The following HDAC9 variants were observed in gnomAD, a reference collection of about 807,000 sequenced individuals.
HDAC9 encodes the protein histone deacetylase 9, also known as MEF-2 interacting transcription repressor (MITR) protein.
A neutral mutation model predicts 139.4 loss-of-function variants in HDAC9; 41 were observed. That is an observed-to-expected ratio of 0.29 (90% CI 0.23 to 0.38). HDAC9 has a LOEUF of 0.38. Among genes scored for constraint, HDAC9 ranks in the 10% least tolerant of loss-of-function variants. The pLI is 1.00. For synonymous variants in HDAC9, 517 were observed against 476.2 expected, an observed-to-expected ratio of 1.09 and a Z score of -1.12; for missense variants, 1,147 against 1,297.0, an observed-to-expected ratio of 0.88 and a Z score of 1.78.
chr7:18,446,398 T>C (rs1019512370), intron 1 of HDAC9, among the ~76,000 whole-genome samples: 2 of 152,200 alleles, frequency 1.3e-5, no homozygotes, highest in African/African-American at 4.8e-5. Context: ...GAAGAAAGTG[T>C]TGAGCATAGA....
chr7:18,253,540 A>G (rs563373806), intron 2 of HDAC9, among the ~76,000 whole-genome samples: 3 of 152,224 alleles, frequency 2.0e-5, no homozygotes, highest in East Asian at 1.9e-4. Flanking sequence ...TGTTGGCCAC[A>G]TGTGTGTCTT....
intron 25 of HDAC9, among the ~76,000 whole-genome samples, chr7:18,977,852 T>G (rs1370474106): frequency 6.6e-6 from 1 of 151,704 alleles, no homozygotes; most frequent in Non-Finnish European, 1.5e-5. Flanking sequence ...AAAAGAAGAA[T>G]TCTTCTAGAA....
chr7:18,953,738 G>A (rs1585398095), intron 23 of HDAC9, among the ~76,000 whole-genome samples: 1 of 152,116 alleles, frequency 6.6e-6, no homozygotes, highest in East Asian at 1.9e-4. Context: ...CACTGTGAAA[G>A]TATGGATAAT....
chr7:18,779,497 T>A (rs936104736), intron 16 of HDAC9, among the ~76,000 whole-genome samples: 1 of 152,014 alleles, frequency 6.6e-6, no homozygotes, highest in Non-Finnish European at 1.5e-5. Context: ...CTAGAAGTTT[T>A]GAAGTGTTGA....
intron 1 of HDAC9, among the ~76,000 whole-genome samples, chr7:18,415,261 A>G (rs1788945425): frequency 6.6e-6 from 1 of 152,176 alleles, no homozygotes; most frequent in African/African-American, 2.4e-5. Context: ...TTTCTGTGTA[A>G]ACTAGAACCC....
At chr7:18,598,735 TC>T (rs1833140813) in intron 6 of HDAC9, among the ~76,000 whole-genome samples, 1 of 152,242 alleles carries the variant, frequency 6.6e-6, no homozygotes, top group Non-Finnish European at 1.5e-5. Flanking sequence ...TGTCTTACAT[TC>T]TTCTACCTTT....
intron 2 of HDAC9, among the ~76,000 whole-genome samples, chr7:18,567,296 A>G (rs558760465): frequency 6.6e-6 from 1 of 152,316 alleles, no homozygotes; most frequent in Admixed American, 6.5e-5. Flanking sequence ...TAACTGGGCA[A>G]GGCGAGGAAA....
Position 18,872,809 on chromosome 7 carries a change from A to G in HDAC9, c.2685-1669A>G, listed in dbSNP as rs1799031113. ...GAATTGTGCCTTGAAGGATGGGGAAATACTGGGGGGAAAATGAGGGAAGGA... is the reference window on the plus strand; with the variant it reads ...GAATTGTGCCTTGAAGGATGGGGAAGTACTGGGGGGAAAATGAGGGAAGGA... On this transcript the variant is annotated intron_variant, in intron 21 of 25. Coordinates refer to ENST00000686413, the MANE Select transcript of HDAC9 (RefSeq NM_178425.4). Among the ~76,000 whole-genome samples the G allele has an allele frequency of 2.0e-5, 3 of 152,196 alleles. No individual in the cohort carries two copies. In the South Asian group the frequency reaches 6.2e-4, roughly 32 times the overall value.
intron 1 of HDAC9, among the ~76,000 whole-genome samples, chr7:18,460,501 G>T (rs1033407420): frequency 6.6e-6 from 1 of 151,930 alleles, no homozygotes; most frequent in Non-Finnish European, 1.5e-5. Flanking sequence ...AGATTATCCT[G>T]GGGCCAGGTG....
At position 18,916,022 on chromosome 7, in the gene HDAC9, G is replaced by GGAAAAAAAAAAAAAA. The variant is rs1491394538; in HGVS notation, c.2804-19787_2804-19786insGAAAAAAAAAAAAAA. 4.4e-3 allele frequency among the ~76,000 whole-genome samples: 611 copies of GGAAAAAAAAAAAAAA among 137,974 alleles called. 8 individuals carry two copies. The highest frequency in any genetic ancestry group is 0.015 in the South Asian group (64 of 4,240). 90.5% of individuals were successfully genotyped at this position (137,974 alleles called of 152,430 possible). A position where few individuals can be genotyped will look rare whatever the true frequency, so the allele number is the denominator to read the frequency against. On this transcript the variant is annotated intron_variant, in intron 22 of 25. Coordinates refer to ENST00000686413, the MANE Select transcript of HDAC9 (RefSeq NM_178425.4). ...CAGACCCTCCTCTCACCCCCCGCTG[G>GGAAAAAAAAAAAAAA]AAAAAAAAAAAAAAAACAGAAAAAG...
intron 1 of HDAC9, among the ~76,000 whole-genome samples, chr7:18,149,273 GA>G (rs1786571764): frequency 1.4e-5 from 2 of 147,384 alleles, no homozygotes; most frequent in South Asian, 4.3e-4. Context: ...TTATACATAA[GA>G]AAAAAGAAAA....
At chr7:18,116,093 A>G (rs1341582393) in intron 1 of HDAC9, among the ~76,000 whole-genome samples, 1 of 152,196 alleles carries the variant, frequency 6.6e-6, no homozygotes, top group African/African-American at 2.4e-5. Context: ...ATGCTGAGAT[A>G]ATTTTCCTGT....
intron 2 of HDAC9, among the ~76,000 whole-genome samples, chr7:18,529,248 T>C (rs1473776877): frequency 1.3e-5 from 2 of 152,160 alleles, no homozygotes; most frequent in Admixed American, 1.3e-4. Flanking sequence ...GAAAGCTGCC[T>C]CTCATCTCCT....
intron 2 of HDAC9, among the ~76,000 whole-genome samples, chr7:18,200,601 A>C (rs1162900078): frequency 6.6e-6 from 1 of 152,186 alleles, no homozygotes; most frequent in Non-Finnish European, 1.5e-5. Flanking sequence ...CCGCAAGCTA[A>C]TATGGGACTT....
intron 2 of HDAC9, among the ~76,000 whole-genome samples, chr7:18,219,103 G>A (rs1792509907): frequency 1.3e-5 from 2 of 152,062 alleles, no homozygotes; most frequent in South Asian, 4.1e-4. Flanking sequence ...AGCCTGATAA[G>A]GAATATAGTA....
At chr7:18,305,752 C>A (rs764786057) in intron 1 of HDAC9, among the ~76,000 whole-genome samples, 2 of 142,926 alleles carry the variant, frequency 1.4e-5, no homozygotes, top group Non-Finnish European at 3.0e-5. Context: ...ATGCATAGCA[C>A]ACCATGTAAT....
intron 1 of HDAC9, among the ~76,000 whole-genome samples, chr7:18,327,964 CT>C (rs1461807606): frequency 6.6e-6 from 1 of 151,898 alleles, no homozygotes; most frequent in East Asian, 1.9e-4. Context: ...CAGCAATAGG[CT>C]GCCATACCAA....
intron 2 of HDAC9, among the ~76,000 whole-genome samples, chr7:18,179,778 C>G (rs1226182464): frequency 6.6e-6 from 1 of 152,150 alleles, no homozygotes; most frequent in Non-Finnish European, 1.5e-5. Flanking sequence ...CTCCCTTTGT[C>G]CCAGATTCCT....
rs973888119 is a variant in HDAC9, at chr7:18,148,452, C to CTTTA, written c.-96-13761_-96-13758dup. On this transcript the variant is annotated intron_variant, in intron 1 of 12. Coordinates refer to the HDAC9 transcript ENST00000417496. ...GACTGTATTCTGCCTCTCCCTTCTA[C>CTTTA]TTTATTTATTTATTTATTTTTGAGA... 1.1e-4 allele frequency among the ~76,000 whole-genome samples: 17 copies of CTTTA among 152,124 alleles called. 1 individual carries two copies. The highest frequency in any genetic ancestry group is 4.1e-4 in the South Asian group (2 of 4,822).
Sources: allele counts gnomAD v4.1 joint callset (sites outside exome capture counted in the v4.1 genomes callset), GRCh38; gene constraint gnomAD v4.1.1; transcripts MANE v1.5; gene names NCBI Gene and HGNC (gene_info 2026-07-23, HGNC 2026-07-21).